GPC3: variants seen among roughly 807,000 people sequenced by gnomAD.
The protein encoded by GPC3 is glypican 3.
Under a neutral mutation model 34.4 loss-of-function variants are expected in GPC3, and 3 were observed. The ratio of observed to expected loss-of-function variants is 0.09; its 90% CI spans 0.04 to 0.23. The LOEUF (loss-of-function observed/expected upper bound fraction) is 0.23. Ranked by LOEUF, GPC3 falls within the 10% of genes least tolerant of loss-of-function variation. GPC3 has a pLI of 1.00. For synonymous variants in GPC3, 177 were observed against 174.0 expected (o/e 1.02, Z -0.13); for missense variants, 351 against 445.6 (o/e 0.79, Z 1.91).
At chrX:133,735,986 G>T (rs369478999) in intron 3 of GPC3, among the ~76,000 whole-genome samples, 21 of 108,605 alleles carry the variant, frequency 1.9e-4, no homozygotes, top group African/African-American at 5.7e-4. Context: ...AGTAAATCAT[G>T]TATGTGATAA....
chrX:133,942,003 C>T (rs868738285), intron 2 of GPC3, among the ~76,000 whole-genome samples: 32 of 111,351 alleles, frequency 2.9e-4, no homozygotes, highest in African/African-American at 6.5e-5. Context: ...TTTTCACCCA[C>T]GCTGGGATTA....
chrX:133,649,648 G>A (rs2070577380), intron 6 of GPC3, among the ~76,000 whole-genome samples: 1 of 111,729 alleles, frequency 9.0e-6, no homozygotes, highest in Non-Finnish European at 1.9e-5. Flanking sequence ...CTGGGTTCTG[G>A]TCTGGAGATC....
intron 4 of GPC3, among the ~76,000 whole-genome samples, chrX:133,693,981 G>T (rs2071090204): frequency 9.0e-6 from 1 of 110,667 alleles, no homozygotes; most frequent in African/African-American, 3.3e-5. Flanking sequence ...CTTGTGCTCA[G>T]TTCCCTTTCC....
intron 2 of GPC3, among the ~76,000 whole-genome samples, chrX:133,806,604 AATTT>A (rs1000432235): frequency 2.2e-4 from 24 of 110,999 alleles, no homozygotes; most frequent in South Asian, 7.5e-4. Flanking sequence ...CACCTATTTT[AATTT>A]ATTTATTTAT....
At chrX:133,720,768 C>T (rs993659616) in intron 3 of GPC3, among the ~76,000 whole-genome samples, 4 of 111,244 alleles carry the variant, frequency 3.6e-5, no homozygotes, top group Non-Finnish European at 7.5e-5. Flanking sequence ...GACCATTATT[C>T]TAAGTGAAGT....
At chrX:133,645,177 C>A (rs1174041600) in intron 6 of GPC3, among the ~76,000 whole-genome samples, 3 of 111,402 alleles carry the variant, frequency 2.7e-5, no homozygotes, top group Non-Finnish European at 5.6e-5. Flanking sequence ...CAGACAGGGC[C>A]CCCAAAACTC....
intron 2 of GPC3, among the ~76,000 whole-genome samples, chrX:133,890,036 T>C (rs1352002973): frequency 9.0e-6 from 1 of 110,561 alleles, no homozygotes; most frequent in Non-Finnish European, 1.9e-5. Flanking sequence ...CCCAAAGTGC[T>C]GGGATTACAG....
chrX:133,584,944 A>G (rs185547692), intron 7 of GPC3, among the ~76,000 whole-genome samples: 1 of 109,845 alleles, frequency 9.1e-6, no homozygotes, highest in Non-Finnish European at 1.9e-5. Flanking sequence ...AAAAAAAAAA[A>G]AACAAAAAAA....
At chrX:133,679,440 G>A (rs2083313450) in intron 5 of GPC3, among the ~76,000 whole-genome samples, 1 of 111,014 alleles carries the variant, frequency 9.0e-6, no homozygotes, top group Admixed American at 9.7e-5. Flanking sequence ...TTCACAAAAG[G>A]AGAAAACAAA....
At chrX:133,661,584 C>T (rs944551928) in intron 6 of GPC3, 146 bp downstream of exon 6, 2 of 15,852 alleles carry the variant, frequency 1.3e-4, no homozygotes, top group Non-Finnish European at 2.3e-4. Flanking sequence ...CTCTCTCTCT[C>T]TCTCTCTCTC....
chrX:133,910,963 C>A (rs964938727), intron 2 of GPC3, among the ~76,000 whole-genome samples: 1 of 111,650 alleles, frequency 9.0e-6, no homozygotes, highest in African/African-American at 3.3e-5. Context: ...TTCCAAGCGA[C>A]CCTGTGTTCA....
At chrX:133,744,772 T>A (rs772097253) in intron 3 of GPC3, among the ~76,000 whole-genome samples, 258 of 112,106 alleles carry the variant, frequency 2.3e-3, no homozygotes, top group Non-Finnish European at 4.1e-3. Context: ...CAAATGCCCA[T>A]CAATGTTAGA....
intron 2 of GPC3, among the ~76,000 whole-genome samples, chrX:133,905,837 G>T (rs1366890432): frequency 9.0e-6 from 1 of 111,577 alleles, no homozygotes; most frequent in Non-Finnish European, 1.9e-5. Flanking sequence ...GACAAGGAGA[G>T]AAAAAAGGCA....
chrX:133,784,703 A>C (rs2124505558), intron 2 of GPC3, among the ~76,000 whole-genome samples: 1 of 112,692 alleles, frequency 8.9e-6, no homozygotes, highest in South Asian at 3.7e-4. Flanking sequence ...ATTTCTTTAA[A>C]AACTGACATA....
At chrX:133,841,693 A>C (rs776655287) in intron 2 of GPC3, among the ~76,000 whole-genome samples, 27 of 111,928 alleles carry the variant, frequency 2.4e-4, no homozygotes, top group African/African-American at 8.8e-4. Flanking sequence ...GATTGGATTG[A>C]GGGATACAAA....
intron 6 of GPC3, among the ~76,000 whole-genome samples, chrX:133,637,834 G>C (rs1487967413): frequency 9.1e-6 from 1 of 110,085 alleles, no homozygotes; most frequent in Admixed American, 9.8e-5. Flanking sequence ...GTAGAGACAG[G>C]GTTTCGGTAT....
intron 7 of GPC3, among the ~76,000 whole-genome samples, chrX:133,568,965 G>A (rs1231394373): frequency 9.0e-6 from 1 of 111,001 alleles, no homozygotes; most frequent in Admixed American, 9.6e-5. Flanking sequence ...CCAGGAGTTC[G>A]AGACCAGCCT....
Position 133,576,539 on chromosome X carries a change from C to T in GPC3, c.1573+19901G>A, listed in dbSNP as rs140031270. 5.2e-3 allele frequency among the ~76,000 whole-genome samples: 574 copies of T among 111,318 alleles called. 1 individual carries two copies. Among genetic ancestry groups the T allele is most frequent in the Non-Finnish European group, 7.4e-3 (395 of 53,130 alleles). The stretch of plus-strand genomic sequence containing the variant: ...ACAGGCATGAGCTGCTGTGCCCAGC[C>T]CAATCCTAGCTCTTAATATCAATTG... On this transcript the variant is annotated intron_variant, in intron 7 of 7. Transcript: ENST00000370818.
At chrX:133,904,396 C>T (rs1458577335) in intron 2 of GPC3, among the ~76,000 whole-genome samples, 4 of 111,749 alleles carry the variant, frequency 3.6e-5, no homozygotes, top group Non-Finnish European at 7.5e-5. Context: ...AAAAGGAAAA[C>T]ACCAGAAAGA....
Sources: gnomAD v4.1 joint callset for allele counts (sites outside exome capture counted in the v4.1 genomes callset) on GRCh38, gnomAD v4.1.1 for gene constraint, MANE v1.5 for transcripts, NCBI Gene and HGNC (gene_info 2026-07-23, HGNC 2026-07-21) for gene names.